RFPL2: variants seen among roughly 807,000 people sequenced by gnomAD.
RFPL2 encodes the protein ret finger protein like 2.
In RFPL2, 13 loss-of-function variants were observed where a neutral mutation model predicts 17.8. The ratio of observed to expected loss-of-function variants is 0.73; its 90% CI spans 0.47 to 1.16. The LOEUF (loss-of-function observed/expected upper bound fraction) is 1.16, where lower values mean the gene tolerates loss of function less well. Among genes scored for constraint, RFPL2 ranks in the 50% most tolerant of loss-of-function variants. The pLI is 0.00. For missense variants in RFPL2, 431 were observed against 479.3 expected (o/e 0.90, Z 0.94); for synonymous variants, 189 against 180.9 (o/e 1.04, Z -0.36).
At position 32,194,465 on chromosome 22, in the gene RFPL2, C is replaced by T. The variant is rs1432331869; in HGVS notation, c.145G>A (p.Gly49Arg). Residue 49 changes from glycine (G) to arginine (R), a missense_variant, in exon 3 of 5, where the codon GGG (glycine) becomes AGG (arginine). Transcript: ENST00000652607. ...TTCCCACCTCCCACTGGGTCACGCC[C>T]TTCCACACCCTCTAACCTGATGAGG... ...LSLIRLEGVE[G>R]RDPVGGGNLT... The T allele has an allele frequency of 6.2e-7, 1 of 1,611,618 alleles. No homozygotes were observed. The highest frequency in any genetic ancestry group is 8.5e-7 in the Non-Finnish European group (1 of 1,179,280).
intron 2 of RFPL2, among the ~76,000 whole-genome samples, chr22:32,201,621 C>T (rs1923925785): frequency 6.6e-6 from 1 of 152,156 alleles, no homozygotes; most frequent in Non-Finnish European, 1.5e-5. Flanking sequence ...AGAAACACTT[C>T]TTTATTGGAT....
chr22:32,194,235 G>A lies in RFPL2; in HGVS notation c.265+110C>T, dbSNP rs545815904. The A allele has an allele frequency of 3.2e-5, 41 of 1,278,896 alleles. 1 individual carries two copies. The highest frequency in any genetic ancestry group is 1.4e-4 in the South Asian group (10 of 70,288). 79.2% of individuals were successfully genotyped at this position (1,278,896 alleles called of 1,614,324 possible). On this transcript the variant is annotated intron_variant, in intron 3 of 4. Transcript: ENST00000652607. Reference sequence around the variant, plus strand: ...TCCAACTCTGAGGCAGCACTCAGACGGCCTTTGTTGAATTCATTAATTACG... The same window carrying A: ...TCCAACTCTGAGGCAGCACTCAGACAGCCTTTGTTGAATTCATTAATTACG...
intron 1 of RFPL2, 180 bp from the exon 2 acceptor site, chr22:32,202,730 G>A (rs1312154382): frequency 4.2e-6 from 5 of 1,202,300 alleles, no homozygotes; most frequent in African/African-American, 3.1e-5. Flanking sequence ...CACAGTGCCC[G>A]GGCTTCCCAC....
At chr22:32,193,448 C>T in intron 3 of RFPL2, 13 of 1,458,914 alleles carry the variant, frequency 8.9e-6, no homozygotes, top group Non-Finnish European at 1.1e-5. Flanking sequence ...CTCCTGGTGA[C>T]CCAGCAGCTG....
chr22:32,194,047 C>G (rs1389631020), intron 3 of RFPL2, among the ~76,000 whole-genome samples: 4 of 151,000 alleles, frequency 2.6e-5, no homozygotes, highest in Non-Finnish European at 5.9e-5. Context: ...GAGATCACGC[C>G]AAGTCACTCC....
chr22:32,191,341 A>G lies in RFPL2; in HGVS notation c.568T>C (p.Leu190=). Residue 190 remains leucine (L), a synonymous_variant, in exon 5 of 5, where the codon TTG becomes CTG. Coordinates refer to ENST00000652607, the MANE Select transcript of RFPL2 (RefSeq NM_001394555.1). ...AAGTTGTTGGCTGTGTTGGCATCCA[A>G]GGTCATATCCACTGTGAAAAGGAAA... ...RMRKFQVDMT[L]DANTANNFLL... The G allele has an allele frequency of 6.2e-7, 1 of 1,613,148 alleles. No individual in the cohort carries two copies. Among genetic ancestry groups the G allele is most frequent in the Non-Finnish European group, 8.5e-7 (1 of 1,179,234 alleles).
At chr22:32,196,090 C>G (rs1029458568) in intron 2 of RFPL2, among the ~76,000 whole-genome samples, 6 of 152,140 alleles carry the variant, frequency 3.9e-5, no homozygotes, top group Non-Finnish European at 7.4e-5. Context: ...TTTTCTTTTA[C>G]CTCCCATATA....
chr22:32,191,153 T>C lies in RFPL2; in HGVS notation c.756A>G (p.Glu252=), dbSNP rs781203597. The change falls in exon 5 of 5, where the codon GAA becomes GAG. Residue 252 remains glutamate (E), a synonymous_variant. Coordinates refer to ENST00000652607, the MANE Select transcript of RFPL2 (RefSeq NM_001394555.1). ...ATTCTCTGCAGACTCCCAGGTCCCA[T>C]TCTGTGCTTGTTCCCACGTCCACCT... The part of the protein sequence containing the change: ...CWEVDVGTST[E]WDLGVCRESV... 1 of 1,613,910 alleles carries C rather than the reference T, an allele frequency of 6.2e-7. No individual in the cohort carries two copies. Among genetic ancestry groups the C allele is most frequent in the Non-Finnish European group, 8.5e-7 (1 of 1,179,854 alleles).
rs367794327 is a variant in RFPL2 at position 32,202,407 on chromosome 22, T to C, written c.45A>G (p.Gln15=). The change falls in exon 2 of 5, where the codon CAA becomes CAG. Residue 15 remains glutamine (Q), a synonymous_variant. Coordinates refer to ENST00000652607, the MANE Select transcript of RFPL2 (RefSeq NM_001394555.1). The part of the protein sequence containing the change: ...ELGFPETAVS[Q]SRICLCAVLC... ...ATACAGCACATAGACAGATCCTGGA[T>C]TGGGACACTGCAGTCTCTGGGAAGC... 15 of 1,604,576 alleles carry C rather than the reference T, an allele frequency of 9.3e-6. 1 individual carries two copies. Among genetic ancestry groups the C allele is most frequent in the African/African-American group, 8.0e-5 (6 of 74,874 alleles).
At chr22:32,202,231 C>T in intron 2 of RFPL2, 102 bp downstream of exon 2, 1 of 1,428,894 alleles carries the variant, frequency 7.0e-7, no homozygotes, top group Non-Finnish European at 9.5e-7. Context: ...TCCCTCCATC[C>T]CCACATCTCC....
At chr22:32,194,234 CG>C in intron 3 of RFPL2, 110 bp downstream of exon 3, 1 of 1,275,538 alleles carries the variant, frequency 7.8e-7, no homozygotes, top group South Asian at 1.4e-5. Context: ...AGCACTCAGA[CG>C]GCCTTTGTTG....
In RFPL2 at chr22:32,202,353, C is replaced by A. The variant is rs1924014534; in HGVS notation, c.99G>T (p.Met33Ile). The part of the protein sequence containing the change: ...VLCGHWDFAD[M>I]MVIRSLSLIR... ...CTCACCTCAGGCTCCTTATCACCAT[C>A]ATGTCTGCAAAGTCCCAGTGGCCAC... The change falls in exon 2 of 5, where the codon ATG (methionine) becomes ATT (isoleucine). Residue 33 changes from methionine to isoleucine, a missense_variant. Coordinates refer to ENST00000652607, the MANE Select transcript of RFPL2 (RefSeq NM_001394555.1). The A allele has an allele frequency of 1.2e-6, 2 of 1,602,788 alleles. No homozygotes were observed. Among genetic ancestry groups the A allele is most frequent in the Non-Finnish European group, 1.7e-6 (2 of 1,174,696 alleles).
intron 2 of RFPL2, among the ~76,000 whole-genome samples, chr22:32,194,878 G>A (rs1470426351): frequency 2.0e-5 from 3 of 151,970 alleles, no homozygotes; most frequent in Non-Finnish European, 4.4e-5. Flanking sequence ...GTTTATTTCC[G>A]GCTTTGAAAA....
chr22:32,204,196 G>GAGCCCCCAACT (rs1282518644), intron 1 of RFPL2, among the ~76,000 whole-genome samples: 2 of 140,422 alleles, frequency 1.4e-5, no homozygotes, highest in African/African-American at 5.4e-5. Context: ...CCCATAGATA[G>GAGCCCCCAACT]AGCCCCCAAC....
At chr22:32,203,839 T>C (rs1202960202) in intron 1 of RFPL2, among the ~76,000 whole-genome samples, 2 of 149,142 alleles carry the variant, frequency 1.3e-5, no homozygotes, top group Non-Finnish European at 3.0e-5. Context: ...CTGTGGGAAA[T>C]GACGCCCGGG....
At chr22:32,200,150 G>A in intron 2 of RFPL2, 2 of 382,342 alleles carry the variant, frequency 5.2e-6, no homozygotes, top group South Asian at 2.1e-5. Flanking sequence ...CCCATCAATG[G>A]AGGTCCCGCA....
In RFPL2 at chr22:32,191,031, G is replaced by C. The variant is rs762730521; in HGVS notation, c.878C>G (p.Pro293Arg). ...GCGGTCTACGAAGAGGAAAGTCAGC[G>C]GCACCGTGGTGGCAGAGAGGCGGCC... ...DGGRLSATTVPLTFLFVDRKL... is the reference protein window; with the variant it reads ...DGGRLSATTVRLTFLFVDRKL... The change falls in exon 5 of 5, where the codon CCG becomes CGG. Residue 293 changes from proline (P) to arginine (R), a missense_variant. Pro to Arg is a moderately radical substitution (Grantham distance 103, BLOSUM62 -2). Coordinates refer to ENST00000652607, the MANE Select transcript of RFPL2 (RefSeq NM_001394555.1). 3.7e-6 allele frequency: 6 copies of C among 1,613,834 alleles called. No homozygotes were observed. Among genetic ancestry groups the C allele is most frequent in the Non-Finnish European group, 5.1e-6 (6 of 1,179,840 alleles).
At chr22:32,201,890 C>T (rs189557887) in intron 2 of RFPL2, among the ~76,000 whole-genome samples, 1,657 of 152,298 alleles carry the variant, frequency 0.011, 25 homozygotes, top group Non-Finnish European at 0.013. Context: ...TCCCACGGCT[C>T]CTGTTTGACT....
chr22:32,193,992 G>C (rs774694618), intron 3 of RFPL2, among the ~76,000 whole-genome samples: 7 of 151,742 alleles, frequency 4.6e-5, no homozygotes, highest in Non-Finnish European at 1.0e-4. Context: ...GGGCAACACA[G>C]GAAGACCCTG....
Sources: gnomAD v4.1 joint callset for allele counts (sites outside exome capture counted in the v4.1 genomes callset) on GRCh38, gnomAD v4.1.1 for gene constraint, MANE v1.5 for transcripts, NCBI Gene and HGNC (gene_info 2026-07-23, HGNC 2026-07-21) for gene names.